TPST1: variants seen among roughly 807,000 people sequenced by gnomAD.
TPST1 encodes tyrosylprotein sulfotransferase 1.
TPST1 carries 20 observed loss-of-function variants against 34.8 expected under a neutral mutation model. That is an observed-to-expected ratio of 0.57 (90% CI 0.40 to 0.84). The LOEUF (loss-of-function observed/expected upper bound fraction) is 0.84, where lower values mean the gene tolerates loss of function less well. TPST1 is among the 40% of genes least tolerant of loss of function. TPST1 has a pLI of 0.00. For synonymous variants in TPST1, 152 were observed against 159.4 expected, an observed-to-expected ratio of 0.95 and a Z score of 0.35; for missense variants, 353 against 455.5, an observed-to-expected ratio of 0.78 and a Z score of 2.05.
Position 66,241,183 on chromosome 7 carries a change from T to A in TPST1, c.758T>A (p.Leu253His). Reference sequence around the variant, plus strand: ...CATCCTGAACGGTGGATGAGAACACTCTTAAAGTTCCTCCAGATTCCATGG... The same window carrying A: ...CATCCTGAACGGTGGATGAGAACACACTTAAAGTTCCTCCAGATTCCATGG... ...VLHPERWMRT[L>H]LKFLQIPWNH... The change falls in exon 2 of 6, where the codon CTC (leucine) becomes CAC (histidine). Residue 253 changes from leucine (L) to histidine (H), a missense_variant. Leu to His is a moderately conservative substitution (Grantham distance 99). Transcript: ENST00000304842. 1.2e-6 allele frequency: 2 copies of A among 1,614,176 alleles called. No individual in the cohort carries two copies. Among genetic ancestry groups the A allele is most frequent in the Non-Finnish European group, 1.7e-6 (2 of 1,180,038 alleles).
At chr7:66,339,738 A>G (rs1387977605) in intron 3 of TPST1, among the ~76,000 whole-genome samples, 1 of 150,794 alleles carries the variant, frequency 6.6e-6, no homozygotes, top group Non-Finnish European at 1.5e-5. Flanking sequence ...ATTCGGTACT[A>G]TGCTTATTAC....
In TPST1 at chr7:66,240,345, G is replaced by A; in HGVS notation, c.-81G>A. The A allele has an allele frequency of 6.7e-7, 1 of 1,493,870 alleles. No individual in the cohort carries two copies. The highest frequency in any genetic ancestry group is 9.0e-7 in the Non-Finnish European group (1 of 1,116,210). 92.5% of individuals were successfully genotyped at this position (1,493,870 alleles called of 1,614,324 possible). The stretch of plus-strand genomic sequence containing the variant: ...ACTAGATGTTGGTTATCTTTCTGAA[G>A]TAGACTGTCCATGGCCTGAACATTT... On this transcript the variant is annotated 5_prime_UTR_variant, in exon 2 of 6. Coordinates refer to ENST00000304842, the MANE Select transcript of TPST1 (RefSeq NM_003596.4).
At chr7:66,224,182 A>G (rs1273429497) in intron 1 of TPST1, among the ~76,000 whole-genome samples, 3 of 152,344 alleles carry the variant, frequency 2.0e-5, no homozygotes, top group Admixed American at 6.5e-5. Context: ...TCTTGCAACA[A>G]TGGTTTCATT....
the TPST1 span, among the ~76,000 whole-genome samples, chr7:66,199,458 C>A: frequency 6.6e-6 from 1 of 151,916 alleles, no homozygotes; most frequent in South Asian, 2.1e-4. Flanking sequence ...CCACACCCAG[C>A]TAATTTTTGT....
At chr7:66,319,314 C>G (rs1340725499) in intron 3 of TPST1, among the ~76,000 whole-genome samples, 2 of 152,136 alleles carry the variant, frequency 1.3e-5, no homozygotes, top group Non-Finnish European at 2.9e-5. Context: ...CTGATTCACT[C>G]ATTCTTTCTT....
intron 3 of TPST1, among the ~76,000 whole-genome samples, chr7:66,315,909 G>A (rs1378189962): frequency 6.6e-6 from 1 of 152,050 alleles, no homozygotes; most frequent in East Asian, 1.9e-4. Flanking sequence ...TCTGGAGTTC[G>A]AGACCAGCCT....
chr7:66,249,663 A>G (rs1408596906), intron 2 of TPST1, among the ~76,000 whole-genome samples: 2 of 152,238 alleles, frequency 1.3e-5, no homozygotes, highest in African/African-American at 4.8e-5. Context: ...GCTTAAAATC[A>G]TGCTACGTTT....
In TPST1 at chr7:66,240,179, G is replaced by T. The variant is rs149783806; in HGVS notation, c.-101-146G>T. 1.7e-3 allele frequency: 767 copies of T among 451,728 alleles called. 3 individuals carry two copies. Among genetic ancestry groups the T allele is most frequent in the Non-Finnish European group, 2.3e-3 (597 of 257,976 alleles). 28.0% of individuals were successfully genotyped at this position (451,728 alleles called of 1,614,324 possible). On this transcript the variant is annotated intron_variant, in intron 1 of 5. Coordinates refer to ENST00000304842, the MANE Select transcript of TPST1 (RefSeq NM_003596.4). ...TGGGATTACAGGTGTGAGCCACCGC[G>T]CCCGGTCTCAATTTTGTTTTAAGAA... is the stretch of plus-strand genomic sequence containing the variant.
At chr7:66,282,736 A>G (rs977566184) in intron 2 of TPST1, among the ~76,000 whole-genome samples, 3 of 152,318 alleles carry the variant, frequency 2.0e-5, no homozygotes, top group East Asian at 3.9e-4. Context: ...GAGAGTTTCA[A>G]TGTGGAATGT....
intron 3 of TPST1, among the ~76,000 whole-genome samples, chr7:66,343,734 A>C (rs996414174): frequency 1.3e-5 from 2 of 152,230 alleles, no homozygotes; most frequent in African/African-American, 2.4e-5. Context: ...AGACATGCTA[A>C]AAGGCAAAAA....
intron 2 of TPST1, among the ~76,000 whole-genome samples, chr7:66,248,066 C>T (rs1289080282): frequency 6.6e-6 from 1 of 152,090 alleles, no homozygotes; most frequent in African/African-American, 2.4e-5. Context: ...TGAGAAGTTA[C>T]AATATGAACA....
chr7:66,275,973 G>T (rs1790801416), intron 2 of TPST1, among the ~76,000 whole-genome samples: 1 of 151,276 alleles, frequency 6.6e-6, no homozygotes, highest in African/African-American at 2.4e-5. Context: ...TATATATTCA[G>T]TTTTCATCAG....
upstream of TPST1, among the ~76,000 whole-genome samples, chr7:66,201,381 CAAAAAAA>C (rs138553925): frequency 9.4e-4 from 69 of 73,528 alleles, no homozygotes; most frequent in Non-Finnish European, 1.3e-3. Flanking sequence ...CCATCTCTAC[CAAAAAAA>C]AAAAAAAAAA....
At chr7:66,266,801 T>G (rs1790601930) in intron 2 of TPST1, among the ~76,000 whole-genome samples, 1 of 152,244 alleles carries the variant, frequency 6.6e-6, no homozygotes, top group African/African-American at 2.4e-5. Context: ...TAGGTTTCCA[T>G]TTATATGAAG....
chr7:66,281,663 G>C (rs980633955), intron 2 of TPST1, among the ~76,000 whole-genome samples: 1 of 152,186 alleles, frequency 6.6e-6, no homozygotes, highest in Non-Finnish European at 1.5e-5. Context: ...ATGTTTTACT[G>C]TAATAAACCT....
chr7:66,229,538 T>C (rs1023502602), intron 1 of TPST1, among the ~76,000 whole-genome samples: 18 of 152,352 alleles, frequency 1.2e-4, no homozygotes, highest in Middle Eastern at 3.4e-3. Context: ...TTATTCAGAT[T>C]AACTCATTGG....
intron 3 of TPST1, among the ~76,000 whole-genome samples, chr7:66,313,917 T>C (rs1791583310): frequency 6.6e-6 from 1 of 152,180 alleles, no homozygotes; most frequent in African/African-American, 2.4e-5. Flanking sequence ...TAGTTTTATA[T>C]TGTTTTAGTT....
chr7:66,341,006 G>A (rs534671008), intron 3 of TPST1, among the ~76,000 whole-genome samples: 22 of 152,226 alleles, frequency 1.4e-4, no homozygotes, highest in Admixed American at 6.5e-4. Context: ...GTGAGACTCC[G>A]TCTCAAAAGT....
At chr7:66,348,361 G>A (rs1295892008) in intron 3 of TPST1, among the ~76,000 whole-genome samples, 1 of 152,162 alleles carries the variant, frequency 6.6e-6, no homozygotes, top group Non-Finnish European at 1.5e-5. Context: ...ATTTCTCTGT[G>A]TCTCAGTTGC....
Sources: allele counts gnomAD v4.1 joint callset (sites outside exome capture counted in the v4.1 genomes callset), GRCh38; gene constraint gnomAD v4.1.1; transcripts MANE v1.5; gene names NCBI Gene and HGNC (gene_info 2026-07-23, HGNC 2026-07-21).